Variants in ARHGAP25 observed in about 807,000 individuals in gnomAD.
ARHGAP25 encodes Rho GTPase activating protein 25.
In ARHGAP25, 34 loss-of-function variants were observed where a neutral mutation model predicts 71.0. The ratio of observed to expected loss-of-function variants is 0.48; its 90% CI spans 0.36 to 0.64. The LOEUF (loss-of-function observed/expected upper bound fraction) is 0.64, where lower values mean the gene tolerates loss of function less well. Ranked by LOEUF, ARHGAP25 falls within the 30% of genes least tolerant of loss-of-function variation. The pLI, the probability that ARHGAP25 is intolerant of heterozygous loss-of-function variation, is 0.00. For missense variants in ARHGAP25, 706 were observed against 805.1 expected (o/e 0.88, Z 1.49); for synonymous variants, 282 against 296.5 (o/e 0.95, Z 0.50).
intron 1 of ARHGAP25, among the ~76,000 whole-genome samples, chr2:68,772,153 A>T (rs191684718): frequency 6.6e-6 from 1 of 152,350 alleles, no homozygotes; most frequent in African/African-American, 2.4e-5. Flanking sequence ...TGCTGAGTGA[A>T]TTCTTTCCAA....
chr2:68,783,238 AAATGGGGACAAT>A (rs1461656260), intron 3 of ARHGAP25, among the ~76,000 whole-genome samples: 3 of 152,186 alleles, frequency 2.0e-5, no homozygotes, highest in Admixed American at 2.0e-4. Context: ...TTTGTCTATA[AAATGGGGACAAT>A]AATGATAATA....
intron 3 of ARHGAP25, among the ~76,000 whole-genome samples, chr2:68,784,986 C>G (rs868634623): frequency 6.6e-6 from 1 of 152,142 alleles, no homozygotes; most frequent in Non-Finnish European, 1.5e-5. Context: ...ATGAGGGAGT[C>G]AGCTAAGAGC....
chr2:68,822,717 C>T lies in ARHGAP25; in HGVS notation c.1578C>T (p.Asp526=). 1 of 1,614,168 alleles carries T rather than the reference C, an allele frequency of 6.2e-7. No individual in the cohort carries two copies. The highest frequency in any genetic ancestry group is 8.5e-7 in the Non-Finnish European group (1 of 1,180,046). Residue 526 remains aspartate, a synonymous_variant, in exon 10 of 11, where the codon GAC becomes GAT. Transcript: ENST00000409202. ...EASALSSQAC[D]SKGDTLASPN... is the part of the protein sequence containing the mutation. ...GTGCACTCTCTTCCCAAGCCTGTGA[C>T]TCCAAGGGAGATACTCTTGCCAGTC... is the stretch of plus-strand genomic sequence containing the variant.
chr2:68,738,703 C>A (rs1460499004), intron 1 of ARHGAP25, among the ~76,000 whole-genome samples: 3 of 152,000 alleles, frequency 2.0e-5, no homozygotes, highest in African/African-American at 7.3e-5. Flanking sequence ...CACCTGTAAT[C>A]CCAGCTACTT....
chr2:68,735,967 T>A (rs1264069817), intron 1 of ARHGAP25, among the ~76,000 whole-genome samples: 1 of 152,204 alleles, frequency 6.6e-6, no homozygotes, highest in East Asian at 1.9e-4. Flanking sequence ...CGTTATGAAG[T>A]TCTTTACATA....
chr2:68,769,876 G>T (rs1050853045), intron 1 of ARHGAP25, among the ~76,000 whole-genome samples: 1 of 152,210 alleles, frequency 6.6e-6, no homozygotes, highest in Non-Finnish European at 1.5e-5. Flanking sequence ...CATGGAGAAA[G>T]AGCAGGAAAT....
intron 4 of ARHGAP25, among the ~76,000 whole-genome samples, chr2:68,802,018 G>A (rs542038797): frequency 1.1e-4 from 17 of 152,318 alleles, no homozygotes; most frequent in Middle Eastern, 3.4e-3. Flanking sequence ...GAATTCTGGT[G>A]GAAGGAATTT....
intron 4 of ARHGAP25, among the ~76,000 whole-genome samples, chr2:68,806,713 T>G (rs1443981234): frequency 6.6e-6 from 1 of 152,230 alleles, no homozygotes; most frequent in Non-Finnish European, 1.5e-5. Flanking sequence ...TCTGGAATTT[T>G]GCATTTAATA....
At chr2:68,822,947 C>G (rs968500144) in intron 10 of ARHGAP25, 75 bp downstream of exon 10, 4 of 1,427,060 alleles carry the variant, frequency 2.8e-6, no homozygotes, top group Non-Finnish European at 3.8e-6. Flanking sequence ...TCCCATCCGC[C>G]AGAGAAGTCA....
chr2:68,722,471 G>A (rs1020996585), intron 2 of ARHGAP25, among the ~76,000 whole-genome samples: 3 of 151,942 alleles, frequency 2.0e-5, no homozygotes, highest in African/African-American at 7.3e-5. Context: ...CCAGCTATTC[G>A]GGAGGCTGAG....
In ARHGAP25 at chr2:68,826,086, C is replaced by T. The variant is rs1273937245; in HGVS notation, c.1833C>T (p.Leu611=). The change falls in exon 11 of 11, where the codon CTC becomes CTT. Residue 611 remains leucine (L), a synonymous_variant. Coordinates refer to ENST00000409202, the MANE Select transcript of ARHGAP25 (RefSeq NM_001007231.3). ...KKKSAALEIS[L]RNMERSREDV... ...AGTCTGCAGCCCTAGAGATCAGCCT[C>T]CGCAACATGGAGCGCTCCCGGGAGG... The T allele has an allele frequency of 1.2e-6, 2 of 1,613,928 alleles. No homozygotes were observed. Among genetic ancestry groups the T allele is most frequent in the Non-Finnish European group, 8.5e-7 (1 of 1,180,010 alleles).
intron 6 of ARHGAP25, chr2:68,816,019 G>A (rs1203325606): frequency 4.3e-6 from 2 of 468,468 alleles, no homozygotes; most frequent in East Asian, 8.8e-5. Context: ...CTTCCTTAGA[G>A]TAGCTCAGGG....
chr2:68,783,543 G>T (rs960047375), intron 3 of ARHGAP25, among the ~76,000 whole-genome samples: 4 of 151,612 alleles, frequency 2.6e-5, no homozygotes, highest in African/African-American at 9.7e-5. Context: ...GCTCACTGCA[G>T]CCTCTGCCTC....
intron 1 of ARHGAP25, among the ~76,000 whole-genome samples, chr2:68,771,515 A>T (rs1213251932): frequency 6.6e-6 from 1 of 152,248 alleles, no homozygotes; most frequent in Non-Finnish European, 1.5e-5. Context: ...CCTAACAAGG[A>T]AAGTTGGTCA....
intron 1 of ARHGAP25, 161 bp from the exon 2 acceptor site, chr2:68,775,060 G>GT: frequency 2.0e-6 from 3 of 1,513,050 alleles, no homozygotes; most frequent in Non-Finnish European, 2.6e-6. Flanking sequence ...TCTCTGGCTC[G>GT]GGGGGGACTT....
rs550417909 is a variant in ARHGAP25 at position 68,826,068 on chromosome 2, A to G, written c.1815A>G (p.Ala605=). The change falls in exon 11 of 11, where the codon GCA becomes GCG. Residue 605 remains alanine, a synonymous_variant. Coordinates refer to ENST00000409202, the MANE Select transcript of ARHGAP25 (RefSeq NM_001007231.3). ...TGGAGAAGGAAAAGAAGAAGTCTGCAGCCCTAGAGATCAGCCTCCGCAACA... is the reference window on the plus strand; with the variant it reads ...TGGAGAAGGAAAAGAAGAAGTCTGCGGCCCTAGAGATCAGCCTCCGCAACA... ...EELEKEKKKS[A]ALEISLRNME... 2.2e-5 allele frequency: 35 copies of G among 1,614,040 alleles called. No individual in the cohort carries two copies. The highest frequency in any genetic ancestry group is 3.0e-5 in the Non-Finnish European group (35 of 1,180,032).
chr2:68,780,268 T>C (rs1037089741), intron 2 of ARHGAP25, among the ~76,000 whole-genome samples: 1 of 152,224 alleles, frequency 6.6e-6, no homozygotes, highest in Non-Finnish European at 1.5e-5. Context: ...CTATTTCTGA[T>C]GAAATGATTT....
At chr2:68,766,354 G>A (rs1053665964) in intron 1 of ARHGAP25, among the ~76,000 whole-genome samples, 1 of 152,190 alleles carries the variant, frequency 6.6e-6, no homozygotes, top group Non-Finnish European at 1.5e-5. Flanking sequence ...CCCTCTGATT[G>A]CCAAATCTCC....
Position 68,822,879 on chromosome 2 carries a change from C to G in ARHGAP25, c.1733+7C>G, listed in dbSNP as rs1681813390. 1 of 1,600,956 alleles carries G rather than the reference C, an allele frequency of 6.2e-7. No individual in the cohort carries two copies. The highest frequency in any genetic ancestry group is 8.5e-7 in the Non-Finnish European group (1 of 1,175,096). On this transcript the variant is annotated splice_region_variant and intron_variant, in intron 10 of 10. Transcript: ENST00000409202. ...ATGAGGAACAGATTAAAAAGTAAGT[C>G]AGACAGAGGGGCACTGAGAGGCACT...
Sources: allele counts gnomAD v4.1 joint callset (sites outside exome capture counted in the v4.1 genomes callset), GRCh38; gene constraint gnomAD v4.1.1; transcripts MANE v1.5; gene names NCBI Gene and HGNC (gene_info 2026-07-23, HGNC 2026-07-21).